EFCAB5: variants seen among roughly 807,000 people sequenced by gnomAD.
The protein encoded by EFCAB5 is EF-hand calcium-binding domain-containing protein 5.
EFCAB5 carries 131 observed loss-of-function variants against 167.9 expected under a neutral mutation model. The observed-to-expected ratio is 0.78, with a 90% CI of 0.68 to 0.90. The LOEUF is 0.90. Among genes scored for constraint, EFCAB5 ranks in the 40% least tolerant of loss-of-function variants. The pLI is 0.00. For missense variants in EFCAB5, 1,663 were observed against 1,745.2 expected (o/e 0.95, Z 0.84); for synonymous variants, 574 against 602.8 (o/e 0.95, Z 0.70).
At chr17:30,105,106 G>A (rs1033808304) in intron 22 of EFCAB5, among the ~76,000 whole-genome samples, 5 of 152,158 alleles carry the variant, frequency 3.3e-5, no homozygotes, top group East Asian at 1.9e-4. Context: ...GAGTGTCCTA[G>A]GGTGAATTTT....
chr17:30,063,836 A>C (rs1000480261), intron 14 of EFCAB5, among the ~76,000 whole-genome samples: 1 of 152,188 alleles, frequency 6.6e-6, no homozygotes, highest in Non-Finnish European at 1.5e-5. Context: ...CATTAATAAC[A>C]TATGCCGCTG....
chr17:30,047,228 A>G (rs1357697958), intron 8 of EFCAB5, among the ~76,000 whole-genome samples: 4 of 149,664 alleles, frequency 2.7e-5, no homozygotes, highest in African/African-American at 1.0e-4. Context: ...TAAGAAATCT[A>G]AAGGCTTTCA....
chr17:29,967,370 A>C (rs1364462667), intron 3 of EFCAB5, among the ~76,000 whole-genome samples: 1 of 152,210 alleles, frequency 6.6e-6, no homozygotes, highest in African/African-American at 2.4e-5. Context: ...TAGCCTAAAC[A>C]TCTATATACC....
chr17:29,948,455 C>A (rs141413021), intron 3 of EFCAB5, among the ~76,000 whole-genome samples: 1 of 151,990 alleles, frequency 6.6e-6, no homozygotes, highest in Non-Finnish European at 1.5e-5. Context: ...AAACACAATG[C>A]GGTGTACTTA....
chr17:30,088,859 CAT>C (rs2071139431), intron 19 of EFCAB5, among the ~76,000 whole-genome samples: 2 of 152,230 alleles, frequency 1.3e-5, no homozygotes, highest in Admixed American at 1.3e-4. Context: ...CTCTTTTCCA[CAT>C]AGTTATTCCT....
chr17:30,052,443 GGCATTGA>G (rs2070129743), intron 9 of EFCAB5, among the ~76,000 whole-genome samples: 2 of 152,134 alleles, frequency 1.3e-5, no homozygotes, highest in Admixed American at 1.3e-4. Flanking sequence ...TGGGATTACA[GGCATTGA>G]GCCACCACAC....
chr17:30,034,518 G>A, intron 8 of EFCAB5, 133 bp downstream of exon 8: 4 of 998,274 alleles, frequency 4.0e-6, no homozygotes, highest in Non-Finnish European at 5.7e-6. Context: ...GGACAACATG[G>A]TGAAACCCCA....
chr17:29,989,298 G>A lies in EFCAB5; in HGVS notation c.768-3867G>A, dbSNP rs145745865. 3.9e-4 allele frequency among the ~76,000 whole-genome samples: 60 copies of A among 152,246 alleles called. 1 individual carries two copies. The highest frequency in any genetic ancestry group is 1.4e-3 in the African/African-American group (59 of 41,534). ...ATTGGAATAATATTTCTTGAGTGGG[G>A]GCAAGCACAAAGTATATCATCCATA... On this transcript the variant is annotated intron_variant, in intron 4 of 22. Coordinates refer to ENST00000394835, the MANE Select transcript of EFCAB5 (RefSeq NM_198529.4).
rs760052931 is a variant in EFCAB5, at chr17:30,051,174, T to C, written c.1257T>C (p.His419=). 6 of 1,614,004 alleles carry C rather than the reference T, an allele frequency of 3.7e-6. No individual in the cohort carries two copies. Among genetic ancestry groups the C allele is most frequent in the Non-Finnish European group, 5.1e-6 (6 of 1,179,886 alleles). ...TLALLELFYD[H]SSQMLRSLLR... The stretch of plus-strand genomic sequence containing the variant: ...CCCTGCTGGAATTGTTCTATGACCA[T>C]AGTTCACAAATGCTTAGGAGTTTAC... Residue 419 remains histidine (H), a synonymous_variant, in exon 9 of 23, where the codon CAT becomes CAC. Transcript: ENST00000394835.
chr17:29,933,342 C>T lies in EFCAB5; in HGVS notation c.-127+4013C>T, dbSNP rs185167936. On this transcript the variant is annotated intron_variant, in intron 1 of 3. Coordinates refer to the EFCAB5 transcript ENST00000448319. ...GATCCCAGTACAGTCGCTTTGCGAA[C>T]GGAGCTGGACCACACTAAGCATTTG... is the stretch of plus-strand genomic sequence containing the variant. 2.9e-3 allele frequency among the ~76,000 whole-genome samples: 446 copies of T among 152,338 alleles called. 3 individuals are homozygous for T. Among genetic ancestry groups the T allele is most frequent in the Non-Finnish European group, 3.4e-3 (232 of 68,040 alleles).
At chr17:29,999,191 T>G (rs539749077) in intron 6 of EFCAB5, among the ~76,000 whole-genome samples, 1 of 152,190 alleles carries the variant, frequency 6.6e-6, no homozygotes, top group African/African-American at 2.4e-5. Context: ...ATATACACAT[T>G]ACGAACTTTC....
At chr17:30,018,560 T>G (rs931813604) in intron 7 of EFCAB5, among the ~76,000 whole-genome samples, 1 of 152,154 alleles carries the variant, frequency 6.6e-6, no homozygotes. Context: ...TATCCTTATG[T>G]AGGATTAGAT....
chr17:30,061,506 T>C (rs1282142978), intron 14 of EFCAB5, among the ~76,000 whole-genome samples: 2 of 152,222 alleles, frequency 1.3e-5, no homozygotes, highest in Non-Finnish European at 2.9e-5. Context: ...GAAAGGTTTC[T>C]GCTGGTGTCC....
intron 7 of EFCAB5, among the ~76,000 whole-genome samples, chr17:30,020,682 A>G (rs1490886933): frequency 6.6e-6 from 1 of 152,094 alleles, no homozygotes; most frequent in African/African-American, 2.4e-5. Context: ...TAAAATCTGT[A>G]GTATGTAGTC....
At chr17:29,937,298 T>TA (rs1325539932), upstream of EFCAB5, among the ~76,000 whole-genome samples, 1 of 152,248 alleles carries the variant, frequency 6.6e-6, no homozygotes, top group East Asian at 1.9e-4. Context: ...GTGATTCTCC[T>TA]ACCTCAGCCT....
At chr17:30,104,375 G>T (rs1052591466) in intron 22 of EFCAB5, among the ~76,000 whole-genome samples, 11 of 152,074 alleles carry the variant, frequency 7.2e-5, no homozygotes, top group Admixed American at 2.0e-4. Context: ...TCCTACTATA[G>T]CCCAGTGTTT....
rs1312548602 is a variant in EFCAB5, at chr17:29,941,667, C to T, written c.-130C>T. On this transcript the variant is annotated 5_prime_UTR_variant, in exon 1 of 23. Transcript: ENST00000394835. ...ATAGAATTGTGGGGTGAGGTGAGGG[C>T]AGGAGTGAGGGAGCTTTTTTAACTT... 1 of 699,614 alleles carries T rather than the reference C, an allele frequency of 1.4e-6. No homozygotes were observed. The highest frequency in any genetic ancestry group is 2.8e-5 in the Admixed American group (1 of 35,128). 43.3% of individuals were successfully genotyped at this position (699,614 alleles called of 1,614,324 possible). A position where few individuals can be genotyped will look rare whatever the true frequency, so the allele number is the denominator to read the frequency against.
intron 7 of EFCAB5, among the ~76,000 whole-genome samples, chr17:30,019,485 G>A (rs1234540272): frequency 5.0e-5 from 7 of 139,832 alleles, no homozygotes; most frequent in Admixed American, 1.5e-4. Context: ...CACTCTTGTC[G>A]CCCAGGCTGG....
intron 22 of EFCAB5, among the ~76,000 whole-genome samples, chr17:30,104,590 C>G (rs1388982744): frequency 6.6e-6 from 1 of 151,732 alleles, no homozygotes. Context: ...ATAAAAGAAG[C>G]GTTTATCTGC....
Sources: allele counts gnomAD v4.1 joint callset (sites outside exome capture counted in the v4.1 genomes callset), GRCh38; gene constraint gnomAD v4.1.1; transcripts MANE v1.5; gene names NCBI Gene and HGNC (gene_info 2026-07-23, HGNC 2026-07-21).